Variants in ANAPC4 observed in about 807,000 individuals in gnomAD.
ANAPC4 encodes anaphase-promoting complex subunit 4.
A neutral mutation model predicts 119.8 loss-of-function variants in ANAPC4; 63 were observed. The ratio of observed to expected loss-of-function variants is 0.53; its 90% CI spans 0.43 to 0.65. ANAPC4 has a LOEUF of 0.65. ANAPC4 is among the 30% of genes least tolerant of loss of function. The probability of loss-of-function intolerance (pLI) is 0.00; values close to 1 mark genes in which losing one functional copy is unlikely to be tolerated. For synonymous variants in ANAPC4, 283 were observed against 318.6 expected (o/e 0.89, Z 1.19); for missense variants, 716 against 945.1 (o/e 0.76, Z 3.18).
chr4:25,405,492 C>T lies in ANAPC4; in HGVS notation c.1271-81C>T, dbSNP rs1723200918. On this transcript the variant is annotated intron_variant, in intron 17 of 28. Coordinates refer to ENST00000315368, the MANE Select transcript of ANAPC4 (RefSeq NM_013367.3). The surrounding 1 kb of genome is among the most constrained non-coding windows in gnomAD (Gnocchi z 4.6). ...TTGAAGATTTAGTTCAGTCAAACAC[C>T]TTGTCTTTGAAATGTATTTATAATT... The T allele has an allele frequency of 3.9e-6, 5 of 1,294,278 alleles. No homozygotes were observed. The Admixed American group carries it at 8.9e-5, about 23-fold the overall frequency. 80.2% of individuals were successfully genotyped at this position (1,294,278 alleles called of 1,614,324 possible).
intron 2 of ANAPC4, 50 bp downstream of exon 2, chr4:25,377,606 C>G (rs1208554754): frequency 6.6e-7 from 1 of 1,511,726 alleles, no homozygotes. Flanking sequence ...TCCCGGGGGG[C>G]CCAAGAACAC....
At chr4:25,390,328 G>A in intron 8 of ANAPC4, 108 bp downstream of exon 8, 2 of 695,282 alleles carry the variant, frequency 2.9e-6, no homozygotes, top group South Asian at 2.5e-5. Context: ...TTCGATTTTT[G>A]GAATTATTCT....
At position 25,377,317 on chromosome 4, in the gene ANAPC4, G is replaced by A. The variant is rs1721452096; in HGVS notation, c.-38G>A. 1 of 1,454,854 alleles carries A rather than the reference G, an allele frequency of 6.9e-7. No individual in the cohort carries two copies. Among genetic ancestry groups the A allele is most frequent in the Admixed American group, 2.1e-5 (1 of 48,084 alleles). The allele number at this position is 1,454,854 out of a possible 1,614,324, so 90.1% of individuals were successfully genotyped here. A position where few individuals can be genotyped will look rare whatever the true frequency, so the allele number is the denominator to read the frequency against. ...GGAGGGGAGAGGCCACTGGGGCCGT[G>A]TTAGTCTGCCGGTGGGGACTCTTGC... On this transcript the variant is annotated 5_prime_UTR_variant, in exon 1 of 29. Transcript: ENST00000315368.
chr4:25,384,434 T>A (rs1721914793), intron 4 of ANAPC4, among the ~76,000 whole-genome samples: 1 of 152,246 alleles, frequency 6.6e-6, no homozygotes, highest in Non-Finnish European at 1.5e-5. Context: ...TCCAGAATGG[T>A]GAATCCTTTC....
intron 2 of ANAPC4, among the ~76,000 whole-genome samples, chr4:25,379,967 T>C (rs1202193210): frequency 1.3e-5 from 2 of 152,214 alleles, no homozygotes; most frequent in Non-Finnish European, 2.9e-5. Flanking sequence ...TTAAGTGATA[T>C]GTCTAAGATC....
Position 25,394,411 on chromosome 4 carries a change from C to T in ANAPC4, c.941+37C>T, listed in dbSNP as rs146932148. The T allele has an allele frequency of 2.3e-5, 35 of 1,504,468 alleles. 1 individual carries two copies. In the African/African-American group the frequency reaches 2.9e-4, roughly 12 times the overall value. 93.2% of individuals were successfully genotyped at this position (1,504,468 alleles called of 1,614,324 possible). ...AGATTAGGTGCTCCTGTTTTTGCTT[C>T]TTTTTTAACAGTAATTATTTATTTG... On this transcript the variant is annotated intron_variant, in intron 12 of 28. Coordinates refer to ENST00000315368, the MANE Select transcript of ANAPC4 (RefSeq NM_013367.3).
chr4:25,405,460 T>G lies in ANAPC4; in HGVS notation c.1271-113T>G. ...AAATGTTTTTGTTGGTGAAAAGCTG[T>G]GTAAAATTGAAGATTTAGTTCAGTC... On this transcript the variant is annotated intron_variant, in intron 17 of 28. Coordinates refer to ENST00000315368, the MANE Select transcript of ANAPC4 (RefSeq NM_013367.3). The surrounding 1 kb of genome is among the most constrained non-coding windows in gnomAD (Gnocchi z 4.6). 2 of 893,212 alleles carry G rather than the reference T, an allele frequency of 2.2e-6. No individual in the cohort carries two copies. Among genetic ancestry groups the G allele is most frequent in the Non-Finnish European group, 3.5e-6 (2 of 576,136 alleles). 55.3% of individuals were successfully genotyped at this position (893,212 alleles called of 1,614,324 possible).
intron 20 of ANAPC4, among the ~76,000 whole-genome samples, chr4:25,408,160 A>C (rs1005077316): frequency 6.6e-6 from 1 of 152,206 alleles, no homozygotes; most frequent in Non-Finnish European, 1.5e-5. Flanking sequence ...GTGTATATGA[A>C]AAGGGAGAAA....
At chr4:25,400,481 G>A (rs1722906176) in intron 16 of ANAPC4, among the ~76,000 whole-genome samples, 1 of 152,102 alleles carries the variant, frequency 6.6e-6, no homozygotes, top group South Asian at 2.1e-4. Flanking sequence ...AGTAAGGATG[G>A]GGAGGCGGTG....
chr4:25,377,462 G>A lies in ANAPC4; in HGVS notation c.35G>A (p.Arg12Gln), dbSNP rs1454552042. 6.2e-7 allele frequency: 1 copy of A among 1,614,114 alleles called. No homozygotes were observed. The highest frequency in any genetic ancestry group is 1.3e-5 in the African/African-American group (1 of 75,056). Residue 12 changes from arginine (R) to glutamine (Q), a missense_variant, in exon 2 of 29, where the codon CGG becomes CAG. Arg to Gln is a conservative substitution (Grantham distance 43, BLOSUM62 1). Transcript: ENST00000315368. Reference sequence around the variant, plus strand: ...TTTCCGACCTGTTTCCCATCCTTCCGGGTGGTGGGAGAGAAGCAGCTCCCG... The same window carrying A: ...TTTCCGACCTGTTTCCCATCCTTCCAGGTGGTGGGAGAGAAGCAGCTCCCG... ...LRFPTCFPSF[R>Q]VVGEKQLPQE...
intron 16 of ANAPC4, among the ~76,000 whole-genome samples, chr4:25,399,765 G>T (rs1370132229): frequency 6.6e-6 from 1 of 152,192 alleles, no homozygotes; most frequent in Non-Finnish European, 1.5e-5. Flanking sequence ...GCATTTGGGA[G>T]CCATCAGCAC....
At chr4:25,411,770 C>G (rs1049989286) in intron 21 of ANAPC4, among the ~76,000 whole-genome samples, 1 of 152,172 alleles carries the variant, frequency 6.6e-6, no homozygotes, top group African/African-American at 2.4e-5. Flanking sequence ...GCACTTAGCA[C>G]AGAAGCAGTC....
At position 25,414,655 on chromosome 4, in the gene ANAPC4, C is replaced by T. The variant is rs763691964; in HGVS notation, c.1781C>T (p.Ser594Leu). The change falls in exon 25 of 29, where the codon TCA becomes TTA. Residue 594 changes from serine to leucine, a missense_variant. Around this residue, in one of 3 missense-constraint regions of ANAPC4, gnomAD observed 504 missense variants for 615.8 expected, o/e 0.82. Coordinates refer to ENST00000315368, the MANE Select transcript of ANAPC4 (RefSeq NM_013367.3). ...HYLLFTILED[S>L]LYKMCILRRH... ...CTTCTTTTTACTATTCTAGAAGATT[C>T]ACTTTATAAAATGTGCATCTTAAGG... 6.4e-7 allele frequency: 1 copy of T among 1,551,820 alleles called. No homozygotes were observed. The highest frequency in any genetic ancestry group is 8.8e-7 in the Non-Finnish European group (1 of 1,140,998).
At position 25,415,447 on chromosome 4, in the gene ANAPC4, T is replaced by A. The variant is rs899399006; in HGVS notation, c.1827-19T>A. Reference sequence around the variant, plus strand: ...GGTTGTTCCACAGAGTCTCTTTTTTTCCCCCTTCTTTCTTGAAGATCTGTG... The same window carrying A: ...GGTTGTTCCACAGAGTCTCTTTTTTACCCCCTTCTTTCTTGAAGATCTGTG... On this transcript the variant is annotated intron_variant, in intron 25 of 28. Transcript: ENST00000315368. The A allele has an allele frequency of 6.2e-7, 1 of 1,600,818 alleles. No individual in the cohort carries two copies. The highest frequency in any genetic ancestry group is 8.5e-7 in the Non-Finnish European group (1 of 1,170,484).
intron 7 of ANAPC4, 49 bp from the exon 8 acceptor site, chr4:25,390,087 C>T: frequency 1.6e-6 from 2 of 1,260,724 alleles, no homozygotes; most frequent in Non-Finnish European, 2.3e-6. Context: ...ACAATGCAAT[C>T]ATCTGTGTTG....
chr4:25,402,584 T>C (rs76185107), intron 16 of ANAPC4, among the ~76,000 whole-genome samples: 5,615 of 152,272 alleles, frequency 0.037, 337 homozygotes, highest in African/African-American at 0.13. Context: ...TGTTTTTTCT[T>C]CTTACTGACC....
At chr4:25,388,656 C>A (rs1028807426) in intron 5 of ANAPC4, 61 bp from the exon 6 acceptor site, 7 of 1,558,872 alleles carry the variant, frequency 4.5e-6, no homozygotes, top group East Asian at 2.2e-5. Flanking sequence ...TTTTCTCATG[C>A]GTTTTAAAAT....
Position 25,380,451 on chromosome 4 carries a change from G to GC in ANAPC4, c.207_208insC (p.Cys70LeufsTer17). The GC allele has an allele frequency of 6.2e-7, 1 of 1,612,612 alleles. No individual in the cohort carries two copies. Among genetic ancestry groups the GC allele is most frequent in the Admixed American group, 1.7e-5 (1 of 59,870 alleles). ...ATGAAAATACAGGAAAGGAGGTGACGTGTCTGGCATGGAGACCAGATGGCA... is the reference window on the plus strand; with the variant it reads ...ATGAAAATACAGGAAAGGAGGTGACGCTGTCTGGCATGGAGACCAGATGGCA... On this transcript the variant is annotated frameshift_variant, in exon 3 of 29. Coordinates refer to ENST00000315368, the MANE Select transcript of ANAPC4 (RefSeq NM_013367.3). LOFTEE classifies it high-confidence loss of function.
At chr4:25,390,049 A>G in intron 7 of ANAPC4, 87 bp from the exon 8 acceptor site, 2 of 907,826 alleles carry the variant, frequency 2.2e-6, no homozygotes, top group Non-Finnish European at 3.5e-6. Flanking sequence ...GATTATATGA[A>G]AGCAGTAATA....
Sources: allele counts gnomAD v4.1 joint callset (sites outside exome capture counted in the v4.1 genomes callset), GRCh38; gene constraint gnomAD v4.1.1; regional missense constraint gnomAD v4.1.1; non-coding constraint Gnocchi (gnomAD v3.1); transcripts MANE v1.5; gene names NCBI Gene and HGNC (gene_info 2026-07-23, HGNC 2026-07-21).